Variants in SZT2 observed in about 807,000 individuals in gnomAD.
SZT2 encodes SZT2 subunit of KICSTOR complex, also known as KICSTOR complex protein SZT2.
SZT2 carries 216 observed loss-of-function variants against 404.2 expected under a neutral mutation model. That is an observed-to-expected ratio of 0.53 (90% CI 0.48 to 0.60). SZT2 has a LOEUF of 0.60. SZT2 is among the 20% of genes least tolerant of loss of function. The probability of loss-of-function intolerance (pLI) is 0.00; values close to 1 mark genes in which losing one functional copy is unlikely to be tolerated. For synonymous variants in SZT2, 1,693 were observed against 1,749.9 expected (o/e 0.97, Z 0.81); for missense variants, 3,857 against 4,459.2 (o/e 0.86, Z 3.85).
chr1:43,417,221 A>T (rs534689679), intron 7 of SZT2, among the ~76,000 whole-genome samples: 1 of 152,188 alleles, frequency 6.6e-6, no homozygotes, highest in African/African-American at 2.4e-5. Context: ...GGACGGGGGA[A>T]GTCGGGGAGG....
chr1:43,399,283 T>C (rs1195003338), intron 1 of SZT2, among the ~76,000 whole-genome samples: 1 of 152,086 alleles, frequency 6.6e-6, no homozygotes, highest in Non-Finnish European at 1.5e-5. Flanking sequence ...TTTTCCATAA[T>C]AAGACTTTCA....
rs1158389222 is a variant in SZT2 at position 43,430,532 on chromosome 1, A to C, written c.4517A>C (p.Asp1506Ala). ...GCCTGCTGTGTGGTCACTGAGAGTG[A>C]CCCAGAGCTAGAGGTAGAATACCGG... The part of the protein sequence containing the change: ...TSACCVVTES[D>A]PELEVEYRES... Residue 1506 changes from aspartate (D) to alanine (A), a missense_variant, in exon 32 of 72, where the codon GAC (aspartate) becomes GCC (alanine). Around this residue, in one of 7 missense-constraint regions of SZT2, gnomAD observed 1,725 missense variants for 1,881.0 expected, o/e 0.92. Transcript: ENST00000634258. 2 of 1,614,164 alleles carry C rather than the reference A, an allele frequency of 1.2e-6. No individual in the cohort carries two copies. Among genetic ancestry groups the C allele is most frequent in the East Asian group, 4.5e-5 (2 of 44,876 alleles).
rs1291560424 is a variant in SZT2, at chr1:43,453,813, G to T, written c.*3333G>T. On this transcript the variant is annotated 3_prime_UTR_variant, in exon 72 of 72. Coordinates refer to ENST00000634258, the MANE Select transcript of SZT2 (RefSeq NM_001365999.1). ...CGCCATGCCTGGGGAGGCCGGGCCG[G>T]GCGGAGTCCGCGGGATCCAAAGGCG... 8.0e-7 allele frequency: 1 copy of T among 1,247,568 alleles called. No individual in the cohort carries two copies. The highest frequency in any genetic ancestry group is 1.0e-6 in the Non-Finnish European group (1 of 998,580). 77.3% of individuals were successfully genotyped at this position (1,247,568 alleles called of 1,614,324 possible).
chr1:43,431,224 A>C, intron 33 of SZT2, 41 bp from the exon 34 acceptor site: 1 of 1,566,866 alleles, frequency 6.4e-7, no homozygotes, highest in Non-Finnish European at 8.7e-7. Flanking sequence ...CCCTGGTAGG[A>C]TAGTAACTCC....
In SZT2 at chr1:43,420,872, C is replaced by T. The variant is rs748435936; in HGVS notation, c.1385C>T (p.Thr462Met). Residue 462 changes from threonine (T) to methionine (M), a missense_variant, in exon 10 of 72, where the codon ACG (threonine) becomes ATG (methionine). Physicochemically the swap from Thr to Met is moderately conservative, Grantham distance 81. Transcript: ENST00000634258. This position sits in a 1 kb window ranked among gnomAD's most constrained non-coding sequence, Gnocchi z 5.1. ...CCTCGAGTAACACGGGTGGAAGTGA[C>T]GATGGAAGGCGGCTACGACATTTTG... ...EGPRVTRVEV[T>M]MEGGYDILHD... The T allele has an allele frequency of 3.8e-6, 6 of 1,598,310 alleles. No homozygotes were observed. The highest frequency in any genetic ancestry group is 1.3e-5 in the African/African-American group (1 of 74,906).
chr1:43,442,432 C>T lies in SZT2; in HGVS notation c.7975-10C>T, dbSNP rs181831231. On this transcript the variant is annotated splice_polypyrimidine_tract_variant and intron_variant, in intron 57 of 71. Transcript: ENST00000634258. The surrounding 1 kb of genome is among the most constrained non-coding windows in gnomAD (Gnocchi z 4.5). ...CCGTGATCTCACTGACCCTGACCCC[C>T]GACCTCCAGCTACAGCTGCTGACCT... 2,333 of 1,612,080 alleles carry T rather than the reference C, an allele frequency of 1.4e-3. 34 individuals carry two copies. In the East Asian group the frequency reaches 0.021, roughly 15 times the overall value.
intron 2 of SZT2, 120 bp from the exon 3 acceptor site, chr1:43,403,481 A>G (rs542435070): frequency 3.1e-5 from 44 of 1,403,894 alleles, no homozygotes; most frequent in Non-Finnish European, 4.0e-5. Flanking sequence ...GAGGAAGAGT[A>G]TACGGTTAGA....
Position 43,399,716 on chromosome 1 carries a change from C to T in SZT2, c.28-3461C>T, listed in dbSNP as rs372306969. On this transcript the variant is annotated intron_variant, in intron 1 of 71. Coordinates refer to ENST00000634258, the MANE Select transcript of SZT2 (RefSeq NM_001365999.1). Reference sequence around the variant, plus strand: ...GACCTCGTGAACCGCCTGCCTTGGCCTCCCAAAGTGCTGGGATTACAGACG... The same window carrying T: ...GACCTCGTGAACCGCCTGCCTTGGCTTCCCAAAGTGCTGGGATTACAGACG... Among the ~76,000 whole-genome samples the T allele has an allele frequency of 7.9e-5, 12 of 152,050 alleles. No homozygotes were observed. The East Asian group carries it at 1.9e-3, about 25-fold the overall frequency.
Position 43,434,434 on chromosome 1 carries a change from G to A in SZT2, c.5853G>A (p.Leu1951=). 2.5e-6 allele frequency: 4 copies of A among 1,599,406 alleles called. No homozygotes were observed. Among genetic ancestry groups the A allele is most frequent in the Non-Finnish European group, 3.4e-6 (4 of 1,174,648 alleles). ...DGGPGTECRH[L]QQLLVRRVGE... is the part of the protein sequence containing the mutation. ...GGCCGGGCACTGAGTGTCGCCACCT[G>A]CAGCAGCTCCTGGTGAGGCGAGTTG... is the stretch of plus-strand genomic sequence containing the variant. Residue 1951 remains leucine (L), a synonymous_variant, in exon 41 of 72, where the codon CTG becomes CTA. Transcript: ENST00000634258.
chr1:43,448,079 G>A lies in SZT2; in HGVS notation c.9564G>A (p.Arg3188=), dbSNP rs1256807757. The A allele has an allele frequency of 2.5e-6, 4 of 1,597,420 alleles. No individual in the cohort carries two copies. The highest frequency in any genetic ancestry group is 3.4e-6 in the Non-Finnish European group (4 of 1,168,806). Residue 3188 remains arginine (R), a splice_region_variant and synonymous_variant, in exon 69 of 72, where the codon CGG becomes CGA. Transcript: ENST00000634258. This position sits in a 1 kb window ranked among gnomAD's most constrained non-coding sequence, Gnocchi z 4.2. The stretch of plus-strand genomic sequence containing the variant: ...TCTCCTGCCCTGCTCCCCACCCCAG[G>A]CTACAGTTCTTCGTGGTGCTCACCA... ...EQGEAERHVL[R]LQFFVVLTSQ...
chr1:43,419,219 G>T (rs1267152656), intron 7 of SZT2, among the ~76,000 whole-genome samples: 1 of 152,234 alleles, frequency 6.6e-6, no homozygotes, highest in African/African-American at 2.4e-5. Flanking sequence ...ACAAAAATAG[G>T]TGATGGACTA....
intron 25 of SZT2, 42 bp from the exon 26 acceptor site, chr1:43,427,488 A>G: frequency 6.2e-7 from 1 of 1,612,754 alleles, no homozygotes; most frequent in Non-Finnish European, 8.5e-7. Flanking sequence ...GGAGTGGGAA[A>G]CAGATAGAGC....
In SZT2 at chr1:43,453,501, C is replaced by A. The variant is rs2153938765; in HGVS notation, c.*3021C>A. Reference sequence around the variant, plus strand: ...ATTTCCCCCTTCTCTTGGTCTCCTGCAGAGAGAACGGGCCTCAGCCCCCGG... The same window carrying A: ...ATTTCCCCCTTCTCTTGGTCTCCTGAAGAGAGAACGGGCCTCAGCCCCCGG... On this transcript the variant is annotated 3_prime_UTR_variant, in exon 72 of 72. Coordinates refer to ENST00000634258, the MANE Select transcript of SZT2 (RefSeq NM_001365999.1). The A allele has an allele frequency of 1.3e-6, 2 of 1,549,038 alleles. No individual in the cohort carries two copies. Among genetic ancestry groups the A allele is most frequent in the Non-Finnish European group, 1.7e-6 (2 of 1,145,494 alleles).
intron 30 of SZT2, 48 bp downstream of exon 30, chr1:43,430,151 C>A (rs1653686135): frequency 1.9e-6 from 3 of 1,602,690 alleles, no homozygotes; most frequent in Non-Finnish European, 1.7e-6. Context: ...ACCCAGAGGC[C>A]CACCCAGACC....
At position 43,441,851 on chromosome 1, in the gene SZT2, TC is replaced by T. The variant is rs1258260641; in HGVS notation, c.7742+37del. 6.2e-7 allele frequency: 1 copy of T among 1,604,878 alleles called. No homozygotes were observed. Among genetic ancestry groups the T allele is most frequent in the Non-Finnish European group, 8.5e-7 (1 of 1,173,278 alleles). On this transcript the variant is annotated intron_variant, in intron 55 of 71. Coordinates refer to ENST00000634258, the MANE Select transcript of SZT2 (RefSeq NM_001365999.1). This position sits in a 1 kb window ranked among gnomAD's most constrained non-coding sequence, Gnocchi z 4.8. Reference sequence around the variant, plus strand: ...TAGATCCTATAGAATTGAAGGGAACTCCCCTAGACTTCCTAAAAGCTGGGCC... The same window carrying T: ...TAGATCCTATAGAATTGAAGGGAACTCCCTAGACTTCCTAAAAGCTGGGCC...
intron 1 of SZT2, among the ~76,000 whole-genome samples, chr1:43,402,418 G>T (rs749563588): frequency 6.6e-6 from 1 of 152,338 alleles, no homozygotes; most frequent in South Asian, 2.1e-4. Flanking sequence ...TCAGAGGACT[G>T]GTAAAGGCCT....
Position 43,432,387 on chromosome 1 carries a change from C to T in SZT2, c.5390C>T (p.Ala1797Val), listed in dbSNP as rs201307513. The T allele has an allele frequency of 7.9e-5, 126 of 1,597,228 alleles. No homozygotes were observed. The highest frequency in any genetic ancestry group is 3.0e-4 in the Admixed American group (17 of 56,484). Residue 1797 changes from alanine to valine, a missense_variant, in exon 37 of 72, where the codon GCG (alanine) becomes GTG (valine). Around this residue, in one of 7 missense-constraint regions of SZT2, gnomAD observed 1,725 missense variants for 1,881.0 expected, o/e 0.92. Coordinates refer to ENST00000634258, the MANE Select transcript of SZT2 (RefSeq NM_001365999.1). ...PGGSHGEPSS[A>V]AWAWHSHEDR... ...GGGTCCCATGGGGAGCCTTCTTCAG[C>T]GGCCTGGGCTTGGCACAGTCATGAG...
Position 43,451,555 on chromosome 1 carries a change from A to C in SZT2, c.*1075A>C. On this transcript the variant is annotated 3_prime_UTR_variant, in exon 72 of 72. Coordinates refer to ENST00000634258, the MANE Select transcript of SZT2 (RefSeq NM_001365999.1). ...CCACCTGCACATGCCCTGGGGACAGATGTGGACAAATGTGGGGTCCAGGCT... is the reference window on the plus strand; with the variant it reads ...CCACCTGCACATGCCCTGGGGACAGCTGTGGACAAATGTGGGGTCCAGGCT... The C allele has an allele frequency of 6.2e-7, 1 of 1,613,524 alleles. No individual in the cohort carries two copies. Among genetic ancestry groups the C allele is most frequent in the Non-Finnish European group, 8.5e-7 (1 of 1,179,636 alleles).
rs1322415478 is a variant in SZT2, at chr1:43,450,446, C to T, written c.10265C>T (p.Thr3422Ile). The T allele has an allele frequency of 1.2e-6, 2 of 1,614,136 alleles. No homozygotes were observed. Among genetic ancestry groups the T allele is most frequent in the African/African-American group, 1.3e-5 (1 of 75,026 alleles). ...TYHHLESVIN[T>I]ACFTLWTRLL Reference sequence around the variant, plus strand: ...CACCACCTGGAGTCTGTCATCAACACAGCCTGTTTCACCCTCTGGACCCGC... The same window carrying T: ...CACCACCTGGAGTCTGTCATCAACATAGCCTGTTTCACCCTCTGGACCCGC... Residue 3422 changes from threonine (T) to isoleucine (I), a missense_variant, in exon 72 of 72, where the codon ACA (threonine) becomes ATA (isoleucine). Physicochemically the swap from Thr to Ile is moderately conservative, Grantham distance 89. This residue lies in a region of SZT2 where 717 missense variants were observed against 868.2 expected (regional missense o/e 0.83). Transcript: ENST00000634258. The surrounding 1 kb of genome is among the most constrained non-coding windows in gnomAD (Gnocchi z 4.3).
Sources: gnomAD v4.1 joint callset for allele counts (sites outside exome capture counted in the v4.1 genomes callset) on GRCh38, gnomAD v4.1.1 for gene constraint, gnomAD v4.1.1 regional missense constraint, Gnocchi (gnomAD v3.1) non-coding constraint, MANE v1.5 for transcripts, NCBI Gene and HGNC (gene_info 2026-07-23, HGNC 2026-07-21) for gene names.